Variants in PIWIL2 observed in about 807,000 individuals in gnomAD.
The protein encoded by PIWIL2 is piwi-like protein 2.
PIWIL2 carries 81 observed loss-of-function variants against 116.5 expected under a neutral mutation model. The observed-to-expected ratio is 0.70, with a 90% CI of 0.58 to 0.84. The LOEUF (loss-of-function observed/expected upper bound fraction) is 0.84, where lower values mean the gene tolerates loss of function less well. Among genes scored for constraint, PIWIL2 ranks in the 40% least tolerant of loss-of-function variants. The probability of loss-of-function intolerance (pLI) is 0.00; values close to 1 mark genes in which losing one functional copy is unlikely to be tolerated. For missense variants in PIWIL2, 1,272 were observed against 1,212.3 expected (o/e 1.05, Z -0.73); for synonymous variants, 489 against 429.5 (o/e 1.14, Z -1.71).
At chr8:22,296,685 G>A (rs1344598236) in intron 10 of PIWIL2, among the ~76,000 whole-genome samples, 1 of 152,174 alleles carries the variant, frequency 6.6e-6, no homozygotes, top group East Asian at 1.9e-4. Flanking sequence ...ATCTTTGTAT[G>A]TCTCTCCTCA....
chr8:22,305,927 C>A lies in PIWIL2; in HGVS notation c.1456C>A (p.Leu486Met), dbSNP rs768256689. ...PSERQDNHGM[L>M]LKGEILLLPE... ...TTCCCTCTTCGTTCTCTCTTCAAAG[C>A]TGCTAAAAGGGGAAATCCTGCTGCT... Residue 486 changes from leucine to methionine, a missense_variant and splice_region_variant, in exon 13 of 23, where the codon CTG (leucine) becomes ATG (methionine). By Grantham distance (15) the Leu-to-Met change is conservative. Coordinates refer to ENST00000356766, the MANE Select transcript of PIWIL2 (RefSeq NM_018068.5). 1.2e-6 allele frequency: 2 copies of A among 1,612,324 alleles called. No homozygotes were observed. The highest frequency in any genetic ancestry group is 1.7e-5 in the Admixed American group (1 of 59,996).
chr8:22,318,587 G>A (rs1244528261), intron 20 of PIWIL2, among the ~76,000 whole-genome samples: 2 of 152,074 alleles, frequency 1.3e-5, no homozygotes, highest in African/African-American at 4.8e-5. Context: ...CAAAGTGTTG[G>A]GATTACAGCT....
chr8:22,354,517 A>G, intron 22 of PIWIL2, 139 bp downstream of exon 22: 1 of 534,968 alleles, frequency 1.9e-6, no homozygotes, highest in East Asian at 3.0e-5. Context: ...TGTCTTTTTG[A>G]GGAGAGATTG....
chr8:22,343,470 T>C (rs7007895), intron 20 of PIWIL2, among the ~76,000 whole-genome samples: 74,074 of 151,574 alleles, frequency 0.49, 20,237 homozygotes, highest in East Asian at 0.83. Context: ...TGGTGGCGCA[T>C]GCCTGTAATC....
At chr8:22,284,549 G>A (rs1352740560) in intron 6 of PIWIL2, among the ~76,000 whole-genome samples, 1 of 151,966 alleles carries the variant, frequency 6.6e-6, no homozygotes, top group Non-Finnish European at 1.5e-5. Context: ...TTAAGTTCAG[G>A]GCCTTTTAAA....
In PIWIL2 at chr8:22,346,205, C is replaced by T. The variant is rs576447529; in HGVS notation, c.2404-6754C>T. Among the ~76,000 whole-genome samples, 6 of 152,190 alleles carry T rather than the reference C, an allele frequency of 3.9e-5. No individual in the cohort carries two copies. The East Asian group carries it at 5.8e-4, about 15-fold the overall frequency. Reference sequence around the variant, plus strand: ...CACCACTGCACTCAGGCCTGGGCAACGCAGTGAGACCTTGTCTCTAAAAAT... The same window carrying T: ...CACCACTGCACTCAGGCCTGGGCAATGCAGTGAGACCTTGTCTCTAAAAAT... On this transcript the variant is annotated intron_variant, in intron 20 of 22. Transcript: ENST00000356766.
At position 22,283,027 on chromosome 8, in the gene PIWIL2, A is replaced by G. The variant is rs368020364; in HGVS notation, c.426-7A>G. 1.1e-5 allele frequency: 18 copies of G among 1,612,576 alleles called. No homozygotes were observed. The highest frequency in any genetic ancestry group is 6.7e-5 in the Admixed American group (4 of 60,002). ...AACCCTGATTTGCCTCTCTCTCCACATTTCAGGACGCTTGGAAGAGGGAGT... is the reference window on the plus strand; with the variant it reads ...AACCCTGATTTGCCTCTCTCTCCACGTTTCAGGACGCTTGGAAGAGGGAGT... On this transcript the variant is annotated splice_polypyrimidine_tract_variant and splice_region_variant and intron_variant, in intron 4 of 22. Transcript: ENST00000356766.
chr8:22,342,787 A>G (rs1554505827), intron 20 of PIWIL2, among the ~76,000 whole-genome samples: 1 of 152,178 alleles, frequency 6.6e-6, no homozygotes, highest in Non-Finnish European at 1.5e-5. Flanking sequence ...GAATTTAAAA[A>G]CTTCTGGGAA....
intron 20 of PIWIL2, chr8:22,321,891 C>T (rs933338419): frequency 6.1e-6 from 6 of 984,972 alleles, no homozygotes; most frequent in South Asian, 4.7e-5. Flanking sequence ...GAACAGTTGC[C>T]GCCTTACACA....
intron 20 of PIWIL2, 60 bp downstream of exon 20, chr8:22,318,335 G>A: frequency 3.4e-6 from 3 of 884,040 alleles, no homozygotes; most frequent in Non-Finnish European, 5.4e-6. Context: ...TTTTTTTTTT[G>A]AGACAGAGTC....
intron 4 of PIWIL2, 76 bp downstream of exon 4, chr8:22,281,591 G>T: frequency 1.7e-6 from 2 of 1,199,776 alleles, no homozygotes; most frequent in South Asian, 3.3e-5. Context: ...GCAACTCTAA[G>T]AAGAGTTGTG....
At chr8:22,339,141 C>T (rs1265049444) in intron 20 of PIWIL2, among the ~76,000 whole-genome samples, 1 of 152,186 alleles carries the variant, frequency 6.6e-6, no homozygotes, top group Non-Finnish European at 1.5e-5. Flanking sequence ...ACAAGAATGA[C>T]ATTGAAGCTC....
chr8:22,307,529 C>T (rs1222847867), intron 13 of PIWIL2, among the ~76,000 whole-genome samples: 2 of 126,258 alleles, frequency 1.6e-5, no homozygotes, highest in African/African-American at 6.5e-5. Context: ...GTTGCCCAGG[C>T]TGGAGGGCAG....
At chr8:22,312,069 G>T (rs1831345682) in intron 16 of PIWIL2, among the ~76,000 whole-genome samples, 1 of 151,790 alleles carries the variant, frequency 6.6e-6, no homozygotes, top group South Asian at 2.1e-4. Context: ...TTTGAGACCA[G>T]CCTGGGCAAC....
At chr8:22,293,512 A>T (rs1052011448) in intron 10 of PIWIL2, among the ~76,000 whole-genome samples, 1 of 152,040 alleles carries the variant, frequency 6.6e-6, no homozygotes, top group African/African-American at 2.4e-5. Flanking sequence ...TTTAGTAGAG[A>T]CAGGGTTTCG....
intron 10 of PIWIL2, among the ~76,000 whole-genome samples, chr8:22,301,662 AGGTTTT>A (rs1563371329): frequency 6.6e-6 from 1 of 151,822 alleles, no homozygotes; most frequent in African/African-American, 2.4e-5. Context: ...TTTCTTTCAT[AGGTTTT>A]GGTTTTGTTG....
chr8:22,317,507 C>T (rs536319481), intron 19 of PIWIL2, among the ~76,000 whole-genome samples: 1 of 152,184 alleles, frequency 6.6e-6, no homozygotes, highest in East Asian at 1.9e-4. Flanking sequence ...AATAAATCTC[C>T]ACCAACTCAA....
intron 10 of PIWIL2, among the ~76,000 whole-genome samples, chr8:22,295,311 C>A (rs1010779399): frequency 6.7e-6 from 1 of 150,170 alleles, no homozygotes; most frequent in Non-Finnish European, 1.5e-5. Context: ...GTAACTGGGG[C>A]TACAGGCTTG....
chr8:22,298,824 G>A (rs1170927563), intron 10 of PIWIL2, among the ~76,000 whole-genome samples: 1 of 152,218 alleles, frequency 6.6e-6, no homozygotes, highest in Non-Finnish European at 1.5e-5. Flanking sequence ...ATCTTCTGAG[G>A]AAGGGTGGTT....
Sources: allele counts gnomAD v4.1 joint callset (sites outside exome capture counted in the v4.1 genomes callset), GRCh38; gene constraint gnomAD v4.1.1; transcripts MANE v1.5; gene names NCBI Gene and HGNC (gene_info 2026-07-23, HGNC 2026-07-21).